TRIM14: variants seen among roughly 807,000 people sequenced by gnomAD.
TRIM14 encodes tripartite motif containing 14.
In TRIM14, 28 loss-of-function variants were observed where a neutral mutation model predicts 44.5. That is an observed-to-expected ratio of 0.63 (90% CI 0.47 to 0.86). TRIM14 has a LOEUF of 0.86. TRIM14 is among the 40% of genes least tolerant of loss of function. The pLI, the probability that TRIM14 is intolerant of heterozygous loss-of-function variation, is 0.00. For synonymous variants in TRIM14, 299 were observed against 269.2 expected, an observed-to-expected ratio of 1.11 and a Z score of -1.08; for missense variants, 607 against 611.1, an observed-to-expected ratio of 0.99 and a Z score of 0.07.
chr9:98,094,414 C>T (rs902186162), intron 4 of TRIM14, among the ~76,000 whole-genome samples: 1 of 152,122 alleles, frequency 6.6e-6, no homozygotes, highest in African/African-American at 2.4e-5. Context: ...CATGGGCAGG[C>T]CCTGGAGCGG....
intron 6 of TRIM14, among the ~76,000 whole-genome samples, chr9:98,072,413 A>ATT (rs1004255694): frequency 1.3e-4 from 17 of 132,200 alleles, no homozygotes; most frequent in South Asian, 4.9e-4. Flanking sequence ...GGGAAAGTGC[A>ATT]TTTTTTTTTT....
chr9:98,051,619 T>C, the TRIM14 span, among the ~76,000 whole-genome samples: 1 of 151,956 alleles, frequency 6.6e-6, no homozygotes, highest in African/African-American at 2.4e-5. Flanking sequence ...TCTAGAGGAG[T>C]GAAGGCCTCC....
At chr9:98,073,137 G>C (rs909910002) in intron 6 of TRIM14, among the ~76,000 whole-genome samples, 4 of 152,032 alleles carry the variant, frequency 2.6e-5, no homozygotes, top group South Asian at 4.1e-4. Flanking sequence ...CAGCAAAGCC[G>C]CCCTTCCCTC....
the TRIM14 span, among the ~76,000 whole-genome samples, chr9:98,052,909 T>C: frequency 6.6e-6 from 1 of 152,206 alleles, no homozygotes; most frequent in African/African-American, 2.4e-5. Context: ...TTAACTAAGG[T>C]CATAACTTAA....
chr9:98,057,902 GTTTTTTTTTTTTTTTCCTGGT>G, the TRIM14 span, among the ~76,000 whole-genome samples: 1 of 93,230 alleles, frequency 1.1e-5, no homozygotes. Flanking sequence ...TTCTCTTACT[GTTTTTTTTTTTTTTTCCTGGT>G]TTTTTTTTTT....
At chr9:98,039,044 G>A in the TRIM14 span, among the ~76,000 whole-genome samples, 3 of 150,930 alleles carry the variant, frequency 2.0e-5, no homozygotes, top group Non-Finnish European at 4.4e-5. Flanking sequence ...GAGAGACTAC[G>A]TCTAAAAAAA....
At chr9:98,080,669 A>T, downstream of TRIM14, 1 of 790,092 alleles carries the variant, frequency 1.3e-6, no homozygotes, top group South Asian at 1.9e-5. Flanking sequence ...TCCCTAGGAA[A>T]GAGAGGCTCA....
At chr9:98,070,281 C>T (rs1829282227) in intron 6 of TRIM14, among the ~76,000 whole-genome samples, 1 of 152,080 alleles carries the variant, frequency 6.6e-6, no homozygotes, top group Non-Finnish European at 1.5e-5. Flanking sequence ...CCATGCCCAG[C>T]TAATTTTTGT....
intron 1 of TRIM14, among the ~76,000 whole-genome samples, chr9:98,114,890 G>C (rs531624575): frequency 6.6e-6 from 1 of 152,190 alleles, no homozygotes; most frequent in Admixed American, 6.5e-5. Flanking sequence ...GAGGATAAAA[G>C]TGATTTTTAT....
exon 7 of TRIM14, chr9:98,069,667 C>T (rs550794141): frequency 1.3e-5 from 2 of 152,332 alleles, no homozygotes; most frequent in Admixed American, 6.5e-5. Context: ...ACATACTGTA[C>T]GATTCTGCTT....
At chr9:98,088,602 T>C (rs1191523451) in intron 5 of TRIM14, among the ~76,000 whole-genome samples, 1 of 152,226 alleles carries the variant, frequency 6.6e-6, no homozygotes, top group African/African-American at 2.4e-5. Flanking sequence ...TTGATCTACT[T>C]GTGAGGCATT....
At chr9:98,073,271 CTTTTTTTTTTTTTTT>C (rs10606237) in intron 6 of TRIM14, among the ~76,000 whole-genome samples, 34 of 57,848 alleles carry the variant, frequency 5.9e-4, no homozygotes, top group East Asian at 2.1e-3. Flanking sequence ...TCACCATGGG[CTTTTTTTTTTTTTTT>C]TTTTTTTTTT....
chr9:98,091,622 A>T (rs1825996711), intron 5 of TRIM14, among the ~76,000 whole-genome samples: 1 of 152,180 alleles, frequency 6.6e-6, no homozygotes, highest in Admixed American at 6.5e-5. Flanking sequence ...TTATATGCAT[A>T]TTAGATGTGC....
At chr9:98,071,417 G>T (rs537877159) in intron 6 of TRIM14, among the ~76,000 whole-genome samples, 2 of 152,362 alleles carry the variant, frequency 1.3e-5, no homozygotes, top group East Asian at 1.9e-4. Flanking sequence ...CCATGTGGAG[G>T]TTATTTAACC....
intron 6 of TRIM14, chr9:98,074,612 C>T (rs1829499443): frequency 2.0e-5 from 3 of 152,198 alleles, no homozygotes; most frequent in Admixed American, 2.0e-4. Flanking sequence ...GCGCCCCTTC[C>T]CTTTCCAGCA....
At chr9:98,071,511 G>A (rs1317513423) in intron 6 of TRIM14, among the ~76,000 whole-genome samples, 3 of 152,198 alleles carry the variant, frequency 2.0e-5, no homozygotes, top group Non-Finnish European at 4.4e-5. Flanking sequence ...AAATGTGATC[G>A]TTAATATAAA....
the TRIM14 span, among the ~76,000 whole-genome samples, chr9:98,044,366 CTCTTTT>C: frequency 1.0e-4 from 14 of 136,100 alleles, no homozygotes; most frequent in Non-Finnish European, 2.2e-4. Context: ...AATGCCCTTT[CTCTTTT>C]TTTTTTTTTT....
the TRIM14 span, chr9:98,056,777 G>A: frequency 1.9e-6 from 3 of 1,606,774 alleles, no homozygotes; most frequent in East Asian, 2.2e-5. Flanking sequence ...GACCCAGACT[G>A]GTAGTGAGGC....
the TRIM14 span, among the ~76,000 whole-genome samples, chr9:98,058,438 G>T: frequency 6.6e-6 from 1 of 152,178 alleles, no homozygotes; most frequent in Non-Finnish European, 1.5e-5. Flanking sequence ...CTTAGGCAAG[G>T]TCACATAGCT....
Sources: allele counts gnomAD v4.1 joint callset (sites outside exome capture counted in the v4.1 genomes callset), GRCh38; gene constraint gnomAD v4.1.1; transcripts MANE v1.5; gene names NCBI Gene and HGNC (gene_info 2026-07-23, HGNC 2026-07-21).